PTPN21: variants seen among roughly 807,000 people sequenced by gnomAD.
PTPN21 encodes the protein protein tyrosine phosphatase non-receptor type 21.
Under a neutral mutation model 131.8 loss-of-function variants are expected in PTPN21, and 77 were observed. The observed-to-expected ratio is 0.58, with a 90% CI of 0.49 to 0.71. The LOEUF (loss-of-function observed/expected upper bound fraction) is 0.71, where lower values mean the gene tolerates loss of function less well. PTPN21 is among the 30% of genes least tolerant of loss of function. The pLI is 0.00. For synonymous variants in PTPN21, 715 were observed against 621.3 expected (o/e 1.15, Z -2.24); for missense variants, 1,552 against 1,527.1 (o/e 1.02, Z -0.27).
rs1313274914 is a variant in PTPN21 at position 88,539,635 on chromosome 14, G to A, written c.180+10603C>T. Among the ~76,000 whole-genome samples, 3 of 152,134 alleles carry A rather than the reference G, an allele frequency of 2.0e-5. No homozygotes were observed. In the East Asian group the frequency reaches 5.8e-4, roughly 29 times the overall value. On this transcript the variant is annotated intron_variant, in intron 2 of 18. Transcript: ENST00000556564. ...TTAGGAAAATGGCAATGGCTCCATG[G>A]AAAAGCAGTATATTGAGAGAAAAGT... is the stretch of plus-strand genomic sequence containing the variant.
intron 10 of PTPN21, among the ~76,000 whole-genome samples, chr14:88,486,950 T>C (rs1247778476): frequency 2.2e-5 from 3 of 134,050 alleles, no homozygotes; most frequent in African/African-American, 8.8e-5. Context: ...CACTCCAGCC[T>C]GGGCAACAAG....
chr14:88,532,436 C>G (rs544718417), intron 2 of PTPN21, among the ~76,000 whole-genome samples: 48 of 152,268 alleles, frequency 3.2e-4, no homozygotes, highest in African/African-American at 1.1e-3. Context: ...TTTCTAATAT[C>G]TATACTTACG....
intron 4 of PTPN21, among the ~76,000 whole-genome samples, chr14:88,507,364 C>T (rs1181406371): frequency 6.6e-6 from 1 of 152,164 alleles, no homozygotes; most frequent in Non-Finnish European, 1.5e-5. Context: ...GTGCAAACAT[C>T]AGAGTATACT....
chr14:88,496,154 T>C (rs970373416), intron 10 of PTPN21, among the ~76,000 whole-genome samples: 1 of 152,204 alleles, frequency 6.6e-6, no homozygotes, highest in African/African-American at 2.4e-5. Context: ...TACCAGAGGA[T>C]TGATTTAAAC....
In PTPN21 at chr14:88,467,866, T is replaced by C; in HGVS notation, c.*271A>G. 2.4e-6 allele frequency: 1 copy of C among 420,864 alleles called. No individual in the cohort carries two copies. Among genetic ancestry groups the C allele is most frequent in the Non-Finnish European group, 4.2e-6 (1 of 237,076 alleles). The allele number at this position is 420,864 out of a possible 1,614,324, so 26.1% of individuals were successfully genotyped here. ...TGTCTAGAAAATACAATCTCCAAAA[T>C]GTGTGCAAGTACTGCAAACCGGACA... is the stretch of plus-strand genomic sequence containing the variant. On this transcript the variant is annotated 3_prime_UTR_variant, in exon 19 of 19. Coordinates refer to ENST00000556564, the MANE Select transcript of PTPN21 (RefSeq NM_007039.4).
intron 2 of PTPN21, among the ~76,000 whole-genome samples, chr14:88,542,347 C>T (rs1031002947): frequency 6.6e-6 from 1 of 152,152 alleles, no homozygotes; most frequent in Middle Eastern, 3.4e-3. Context: ...CACTTAGAGC[C>T]CCCAAAACAC....
chr14:88,468,000 A>T lies in PTPN21; in HGVS notation c.*137T>A. On this transcript the variant is annotated 3_prime_UTR_variant, in exon 19 of 19. Transcript: ENST00000556564. ...CGCACGTTTCCTTCAGCGTGCCGCC[A>T]TTCAGACTGCGCCACTTACGTCCCA... The T allele has an allele frequency of 8.8e-7, 1 of 1,135,406 alleles. No individual in the cohort carries two copies. Among genetic ancestry groups the T allele is most frequent in the East Asian group, 2.4e-5 (1 of 42,188 alleles). The allele number at this position is 1,135,406 out of a possible 1,614,324, so 70.3% of individuals were successfully genotyped here. A position where few individuals can be genotyped will look rare whatever the true frequency, so the allele number is the denominator to read the frequency against.
chr14:88,479,979 G>C lies in PTPN21; in HGVS notation c.1452C>G (p.Ser484Arg). 6.2e-7 allele frequency: 1 copy of C among 1,610,786 alleles called. No homozygotes were observed. The highest frequency in any genetic ancestry group is 8.5e-7 in the Non-Finnish European group (1 of 1,180,018). Residue 484 changes from serine to arginine, a missense_variant, in exon 13 of 19, where the codon AGC becomes AGG. Coordinates refer to ENST00000556564, the MANE Select transcript of PTPN21 (RefSeq NM_007039.4). ...GGCTGTAGACCAGCGCCGCGGGCCTGCTGTAGGCGTACGAGCTGCCGATGT... is the reference window on the plus strand; with the variant it reads ...GGCTGTAGACCAGCGCCGCGGGCCTCCTGTAGGCGTACGAGCTGCCGATGT... ...NLNIGSSYAY[S>R]RPAALVYSQP... is the part of the protein sequence containing the mutation.
At chr14:88,493,527 T>A (rs1385661123) in intron 10 of PTPN21, among the ~76,000 whole-genome samples, 1 of 152,216 alleles carries the variant, frequency 6.6e-6, no homozygotes, top group African/African-American at 2.4e-5. Context: ...CCCTTAATCC[T>A]GTACCCAGGA....
At chr14:88,533,174 A>G (rs1009232689) in intron 2 of PTPN21, among the ~76,000 whole-genome samples, 2 of 152,234 alleles carry the variant, frequency 1.3e-5, no homozygotes, top group Non-Finnish European at 2.9e-5. Flanking sequence ...TACAAGTACA[A>G]GCATATTTTC....
At chr14:88,536,546 T>C (rs541683772) in intron 2 of PTPN21, among the ~76,000 whole-genome samples, 4 of 152,328 alleles carry the variant, frequency 2.6e-5, no homozygotes, top group South Asian at 2.1e-4. Context: ...ACCCAAATCA[T>C]AGTCCCCTAA....
rs143314584 is a variant in PTPN21, at chr14:88,530,749, T to C, written c.181-13488A>G. ...AACAGGAAAATATTACCATCCTAGA[T>C]ATATATGCACCTAACACTGGAGTTC... On this transcript the variant is annotated intron_variant, in intron 2 of 18. Coordinates refer to ENST00000556564, the MANE Select transcript of PTPN21 (RefSeq NM_007039.4). 2.7e-4 allele frequency among the ~76,000 whole-genome samples: 41 copies of C among 152,186 alleles called. No individual in the cohort carries two copies. In the East Asian group the frequency reaches 6.4e-3, roughly 24 times the overall value.
chr14:88,524,553 G>A (rs1436174285), intron 2 of PTPN21, among the ~76,000 whole-genome samples: 1 of 152,128 alleles, frequency 6.6e-6, no homozygotes, highest in Non-Finnish European at 1.5e-5. Context: ...GGGAATAAAT[G>A]CTTGAGTATA....
chr14:88,485,744 TA>T, intron 11 of PTPN21, 37 bp downstream of exon 11: 1 of 1,468,902 alleles, frequency 6.8e-7, no homozygotes, highest in Non-Finnish European at 9.5e-7. Flanking sequence ...AAAACATCAC[TA>T]AAATAAAAAA....
chr14:88,468,381 A>T, intron 18 of PTPN21, 116 bp from the exon 19 acceptor site: 1 of 1,011,618 alleles, frequency 9.9e-7, no homozygotes, highest in Non-Finnish European at 1.4e-6. Flanking sequence ...TCTCTTTTCC[A>T]CCTTAGCGTC....
At chr14:88,496,547 G>A (rs945474367) in intron 9 of PTPN21, 55 bp from the exon 10 acceptor site, 47 of 1,317,428 alleles carry the variant, frequency 3.6e-5, no homozygotes, top group Admixed American at 1.0e-4. Flanking sequence ...AACTTGATAC[G>A]TTTAATGCAG....
At chr14:88,503,217 G>C (rs2078039766) in intron 6 of PTPN21, among the ~76,000 whole-genome samples, 1 of 151,942 alleles carries the variant, frequency 6.6e-6, no homozygotes, top group South Asian at 2.1e-4. Context: ...TTGTATTTTA[G>C]TGGAGACAGG....
chr14:88,497,453 G>T (rs1186693205), intron 8 of PTPN21, among the ~76,000 whole-genome samples, 163 bp from the exon 9 acceptor site: 1 of 152,128 alleles, frequency 6.6e-6, no homozygotes, highest in Non-Finnish European at 1.5e-5. Flanking sequence ...GGCCAACATG[G>T]TGAAACCCTG....
intron 13 of PTPN21, among the ~76,000 whole-genome samples, chr14:88,474,951 G>A (rs1034539596): frequency 2.0e-5 from 3 of 152,114 alleles, no homozygotes; most frequent in African/African-American, 7.2e-5. Context: ...AATTAGCTGG[G>A]CGTGGTGGCA....
Sources: gnomAD v4.1 joint callset for allele counts (sites outside exome capture counted in the v4.1 genomes callset) on GRCh38, gnomAD v4.1.1 for gene constraint, MANE v1.5 for transcripts, NCBI Gene and HGNC (gene_info 2026-07-23, HGNC 2026-07-21) for gene names.